Variants in ERC2 observed in about 807,000 individuals in gnomAD.
ERC2 encodes ERC protein 2.
Under a neutral mutation model 114.8 loss-of-function variants are expected in ERC2, and 42 were observed. That is an observed-to-expected ratio of 0.37 (90% confidence interval 0.29 to 0.47). The LOEUF (loss-of-function observed/expected upper bound fraction) is 0.47. Ranked by LOEUF, ERC2 falls within the 20% of genes least tolerant of loss-of-function variation. The pLI is 0.99. For synonymous variants in ERC2, 454 were observed against 425.5 expected, an observed-to-expected ratio of 1.07 and a Z score of -0.82; for missense variants, 939 against 1,150.7, an observed-to-expected ratio of 0.82 and a Z score of 2.66.
chr3:55,693,612 GA>G (rs2062777767), intron 16 of ERC2, among the ~76,000 whole-genome samples: 1 of 152,104 alleles, frequency 6.6e-6, no homozygotes, highest in African/African-American at 2.4e-5. Flanking sequence ...AAAATGGGGG[GA>G]AATGGAAGGA....
chr3:56,275,798 C>T (rs755731130), intron 3 of ERC2, among the ~76,000 whole-genome samples: 4 of 152,170 alleles, frequency 2.6e-5, no homozygotes, highest in Non-Finnish European at 5.9e-5. Context: ...CAGGAGACAC[C>T]TGGCAATGTC....
intron 2 of ERC2, among the ~76,000 whole-genome samples, chr3:56,309,882 G>C (rs2056439859): frequency 6.6e-6 from 1 of 152,062 alleles, no homozygotes; most frequent in African/African-American, 2.4e-5. Context: ...ATTTGGGCAG[G>C]GAAAAGAAAC....
chr3:55,736,508 T>A (rs1001795857), intron 14 of ERC2, among the ~76,000 whole-genome samples: 5 of 152,192 alleles, frequency 3.3e-5, no homozygotes, highest in Non-Finnish European at 5.9e-5. Context: ...TCATTTTTTT[T>A]ATAGAACTCT....
intron 4 of ERC2, among the ~76,000 whole-genome samples, chr3:56,161,654 G>A (rs1843391): frequency 0.21 from 31,866 of 152,054 alleles, 3,843 homozygotes; most frequent in East Asian, 0.49. Flanking sequence ...GTGTGTGTGT[G>A]TGGCTATTAT....
At chr3:56,116,078 C>A (rs1042177729) in intron 6 of ERC2, among the ~76,000 whole-genome samples, 1 of 152,190 alleles carries the variant, frequency 6.6e-6, no homozygotes, top group African/African-American at 2.4e-5. Context: ...CCTGACCGAC[C>A]CTAGTGCTTT....
chr3:55,651,203 G>A (rs2060608446), intron 17 of ERC2, among the ~76,000 whole-genome samples: 1 of 151,858 alleles, frequency 6.6e-6, no homozygotes, highest in African/African-American at 2.4e-5. Flanking sequence ...CCTCACTGCT[G>A]TGAGGGCAGG....
At chr3:55,746,454 G>A (rs1412451556) in intron 14 of ERC2, among the ~76,000 whole-genome samples, 2 of 152,028 alleles carry the variant, frequency 1.3e-5, no homozygotes, top group East Asian at 1.9e-4. Flanking sequence ...GGCTGGTCTC[G>A]AACTCCCGAC....
At chr3:56,396,240 T>C (rs2060301611) in intron 2 of ERC2, among the ~76,000 whole-genome samples, 1 of 152,204 alleles carries the variant, frequency 6.6e-6, no homozygotes, top group Non-Finnish European at 1.5e-5. Flanking sequence ...GTATTTGTAA[T>C]ACTAAAAAAC....
chr3:56,133,023 G>T (rs1350013898), intron 6 of ERC2, among the ~76,000 whole-genome samples: 1 of 152,168 alleles, frequency 6.6e-6, no homozygotes, highest in Non-Finnish European at 1.5e-5. Flanking sequence ...AAGCCTCAGA[G>T]TTATTCATTC....
At chr3:55,946,087 T>TA (rs989499701) in intron 13 of ERC2, among the ~76,000 whole-genome samples, 1 of 148,574 alleles carries the variant, frequency 6.7e-6, no homozygotes, top group Non-Finnish European at 1.5e-5. Flanking sequence ...TAAATAAAAA[T>TA]AAAAAAATAA....
chr3:56,283,648 T>C (rs193240408), intron 3 of ERC2, among the ~76,000 whole-genome samples: 332 of 152,298 alleles, frequency 2.2e-3, no homozygotes, highest in African/African-American at 7.5e-3. Context: ...AGATCATTTG[T>C]CTAAACCAGG....
chr3:56,367,610 C>G (rs949198986), intron 2 of ERC2, among the ~76,000 whole-genome samples: 2 of 152,098 alleles, frequency 1.3e-5, no homozygotes, highest in African/African-American at 4.8e-5. Flanking sequence ...TGGTCTTGAG[C>G]TGAATGAAGA....
At chr3:56,108,640 A>G (rs2078795819) in intron 6 of ERC2, among the ~76,000 whole-genome samples, 1 of 152,132 alleles carries the variant, frequency 6.6e-6, no homozygotes, top group African/African-American at 2.4e-5. Context: ...TAAACTAATC[A>G]ATTCTCCCTA....
chr3:56,215,548 A>G (rs2049400782), intron 3 of ERC2, among the ~76,000 whole-genome samples: 1 of 152,194 alleles, frequency 6.6e-6, no homozygotes, highest in Non-Finnish European at 1.5e-5. Flanking sequence ...ATAATGGGAG[A>G]GTTTGACACC....
At chr3:56,372,391 T>C (rs2059390425) in intron 2 of ERC2, among the ~76,000 whole-genome samples, 1 of 152,168 alleles carries the variant, frequency 6.6e-6, no homozygotes, top group Non-Finnish European at 1.5e-5. Flanking sequence ...CAGACACTAT[T>C]AATGAACGCT....
At chr3:55,553,010 G>GTT in intron 17 of ERC2, among the ~76,000 whole-genome samples, 2 of 55,484 alleles carry the variant, frequency 3.6e-5, no homozygotes, top group Non-Finnish European at 7.0e-5. Flanking sequence ...GGGGCTTCCA[G>GTT]ATTTTTTTTT....
intron 17 of ERC2, among the ~76,000 whole-genome samples, chr3:55,585,513 C>G (rs1424846400): frequency 1.3e-5 from 2 of 152,184 alleles, no homozygotes; most frequent in African/African-American, 4.8e-5. Context: ...AGAAAAATCT[C>G]CCAACATCCC....
At chr3:56,143,732 T>C (rs2080995571) in intron 5 of ERC2, among the ~76,000 whole-genome samples, 1 of 152,224 alleles carries the variant, frequency 6.6e-6, no homozygotes, top group South Asian at 2.1e-4. Context: ...CACACAGGCT[T>C]CCTGCTATGG....
chr3:55,646,943 T>C (rs990996170), intron 17 of ERC2: 1 of 152,130 alleles, frequency 6.6e-6, no homozygotes, highest in Admixed American at 6.6e-5. Flanking sequence ...TCCTAAAAGA[T>C]ATGCTCCCTT....
Sources: gnomAD v4.1 joint callset for allele counts (sites outside exome capture counted in the v4.1 genomes callset) on GRCh38, gnomAD v4.1.1 for gene constraint, MANE v1.5 for transcripts, NCBI Gene and HGNC (gene_info 2026-07-23, HGNC 2026-07-21) for gene names.